The following DENND5B variants were observed in gnomAD, a reference collection of about 807,000 sequenced individuals.
DENND5B encodes the protein DENN domain-containing protein 5B.
A neutral mutation model predicts 140.6 loss-of-function variants in DENND5B; 34 were observed. That is an observed-to-expected ratio of 0.24 (90% CI 0.18 to 0.32). The LOEUF is 0.32. Among genes scored for constraint, DENND5B ranks in the 10% least tolerant of loss-of-function variants. DENND5B has a pLI of 1.00. For missense variants in DENND5B, 1,142 were observed against 1,560.2 expected, an observed-to-expected ratio of 0.73 and a Z score of 4.52; for synonymous variants, 551 against 562.1, an observed-to-expected ratio of 0.98 and a Z score of 0.28.
chr12:31,410,023 TA>T (rs1219614689), intron 13 of DENND5B, among the ~76,000 whole-genome samples: 7 of 152,202 alleles, frequency 4.6e-5, no homozygotes, highest in Non-Finnish European at 8.8e-5. Flanking sequence ...TTTCAATTCA[TA>T]AAAATGGATA....
At chr12:31,518,182 C>CGGG (rs1947741663) in intron 1 of DENND5B, among the ~76,000 whole-genome samples, 2 of 152,318 alleles carry the variant, frequency 1.3e-5, no homozygotes, top group South Asian at 4.1e-4. Context: ...CTGGATGTCC[C>CGGG]ACTATCAGAG....
In DENND5B at chr12:31,409,709, C is replaced by T. The variant is rs188656006; in HGVS notation, c.2682-325G>A. On this transcript the variant is annotated intron_variant, in intron 13 of 20. Transcript: ENST00000389082. ...GGCCAGGCTGGTCTCCAACTCCTGA[C>T]CTCAGGTGATCCATCTGCCTCGGCC... 5.5e-3 allele frequency among the ~76,000 whole-genome samples: 833 copies of T among 152,088 alleles called. 10 individuals are homozygous for T. Among genetic ancestry groups the T allele is most frequent in the African/African-American group, 0.019 (798 of 41,510 alleles).
At chr12:31,509,846 G>C (rs1947341894) in intron 1 of DENND5B, among the ~76,000 whole-genome samples, 1 of 152,142 alleles carries the variant, frequency 6.6e-6, no homozygotes, top group Admixed American at 6.5e-5. Flanking sequence ...GGTGATGTTT[G>C]AGCAAACTTG....
chr12:31,401,896 A>G (rs1396036200), intron 15 of DENND5B, among the ~76,000 whole-genome samples: 5 of 152,084 alleles, frequency 3.3e-5, no homozygotes, highest in Admixed American at 6.6e-5. Context: ...AAGTGTTGAG[A>G]TTATAGGCAT....
chr12:31,484,043 G>A (rs1027557118), intron 2 of DENND5B, among the ~76,000 whole-genome samples: 1 of 150,826 alleles, frequency 6.6e-6, no homozygotes, highest in South Asian at 2.1e-4. Flanking sequence ...AGTAGAGACG[G>A]GGTTTCACCA....
chr12:31,451,336 T>TA, intron 5 of DENND5B, among the ~76,000 whole-genome samples: 2 of 152,076 alleles, frequency 1.3e-5, no homozygotes, highest in South Asian at 4.1e-4. Flanking sequence ...TTTATTTATT[T>TA]TTTTTGAGAT....
chr12:31,506,206 T>C (rs950352497), intron 1 of DENND5B: 1 of 152,200 alleles, frequency 6.6e-6, no homozygotes. Flanking sequence ...ATTCACAATA[T>C]CTTTCCTCTT....
Position 31,426,269 on chromosome 12 carries a change from C to G in DENND5B, c.2238+24G>C, listed in dbSNP as rs1056102978. 2.5e-6 allele frequency: 4 copies of G among 1,595,962 alleles called. No homozygotes were observed. In the African/African-American group the frequency reaches 5.4e-5, roughly 21 times the overall value. ...TGGTGTAAACATGAATGCACACTGT[C>G]TGGCATCAGTGAATAATACATACCT... On this transcript the variant is annotated intron_variant, in intron 9 of 20. Coordinates refer to ENST00000389082, the MANE Select transcript of DENND5B (RefSeq NM_144973.4).
chr12:31,518,514 A>G (rs1947761159), intron 1 of DENND5B, among the ~76,000 whole-genome samples: 1 of 152,148 alleles, frequency 6.6e-6, no homozygotes, highest in South Asian at 2.1e-4. Context: ...ATACTCAATA[A>G]AAATGGGCCA....
intron 1 of DENND5B, among the ~76,000 whole-genome samples, chr12:31,579,658 A>T (rs556915724): frequency 4.4e-4 from 64 of 146,738 alleles, no homozygotes; most frequent in African/African-American, 1.0e-3. Context: ...TTATTTATTT[A>T]TTTTTTTGAG....
chr12:31,521,292 A>G (rs1947872926), intron 1 of DENND5B, among the ~76,000 whole-genome samples: 1 of 148,028 alleles, frequency 6.8e-6, no homozygotes, highest in Non-Finnish European at 1.5e-5. Context: ...GATATCAGAC[A>G]TTCACTTTAG....
intron 2 of DENND5B, among the ~76,000 whole-genome samples, chr12:31,483,920 G>A (rs376157879): frequency 6.9e-6 from 1 of 145,760 alleles, no homozygotes; most frequent in African/African-American, 2.5e-5. Context: ...GCTGGAGTGC[G>A]GTGGCGCAAT....
chr12:31,532,569 G>A (rs2139094647), intron 1 of DENND5B, among the ~76,000 whole-genome samples: 1 of 152,278 alleles, frequency 6.6e-6, no homozygotes, highest in East Asian at 1.9e-4. Flanking sequence ...GAGAAAATTA[G>A]TGAGTTATAT....
chr12:31,533,287 A>G lies in DENND5B; in HGVS notation c.128-37368T>C, dbSNP rs111918686. Among the ~76,000 whole-genome samples the G allele has an allele frequency of 1.5e-3, 233 of 152,354 alleles. 1 individual carries two copies. Among genetic ancestry groups the G allele is most frequent in the African/African-American group, 5.1e-3 (213 of 41,590 alleles). On this transcript the variant is annotated intron_variant, in intron 1 of 20. Coordinates refer to ENST00000389082, the MANE Select transcript of DENND5B (RefSeq NM_144973.4). ...AATTTAAAAAGCCAATACAACAACA[A>G]AAAATACAGTACAACAAATAAAAAA...
chr12:31,542,104 G>A (rs1390983816), intron 1 of DENND5B, among the ~76,000 whole-genome samples: 4 of 151,954 alleles, frequency 2.6e-5, no homozygotes, highest in South Asian at 2.1e-4. Flanking sequence ...TGGCCAATAC[G>A]GTGAAACCCT....
At chr12:31,475,654 G>A (rs1277145853) in intron 3 of DENND5B, among the ~76,000 whole-genome samples, 1 of 151,630 alleles carries the variant, frequency 6.6e-6, no homozygotes, top group Non-Finnish European at 1.5e-5. Flanking sequence ...GAGGCTGAGG[G>A]GTGAAGGTTG....
At chr12:31,590,542 CAAT>C in intron 1 of DENND5B, 161 bp downstream of exon 1, 1 of 853,838 alleles carries the variant, frequency 1.2e-6, no homozygotes, top group South Asian at 2.3e-5. Context: ...GAATAAATAA[CAAT>C]GTCATTAAAT....
intron 4 of DENND5B, 47 bp downstream of exon 4, chr12:31,460,147 C>T (rs1944949238): frequency 2.6e-6 from 4 of 1,562,352 alleles, no homozygotes; most frequent in Non-Finnish European, 3.5e-6. Flanking sequence ...GTCGCCTTGA[C>T]CTAAATCAGC....
intron 1 of DENND5B, among the ~76,000 whole-genome samples, chr12:31,571,713 G>A (rs1231655561): frequency 1.3e-5 from 2 of 152,042 alleles, no homozygotes; most frequent in Non-Finnish European, 2.9e-5. Context: ...CACCTCTCGG[G>A]CTCAAGCGAT....
Sources: gnomAD v4.1 joint callset for allele counts (sites outside exome capture counted in the v4.1 genomes callset) on GRCh38, gnomAD v4.1.1 for gene constraint, MANE v1.5 for transcripts, NCBI Gene and HGNC (gene_info 2026-07-23, HGNC 2026-07-21) for gene names.